TNKS: variants seen among roughly 807,000 people sequenced by gnomAD.
The protein encoded by TNKS is tankyrase.
TNKS carries 72 observed loss-of-function variants against 135.8 expected under a neutral mutation model. That is an observed-to-expected ratio of 0.53 (90% CI 0.44 to 0.64). The LOEUF (loss-of-function observed/expected upper bound fraction) is 0.64. TNKS is among the 30% of genes least tolerant of loss of function. TNKS has a pLI of 0.00. For synonymous variants in TNKS, 849 were observed against 649.3 expected, an observed-to-expected ratio of 1.31 and a Z score of -4.68; for missense variants, 1,769 against 1,674.0, an observed-to-expected ratio of 1.06 and a Z score of -0.99.
intron 5 of TNKS, among the ~76,000 whole-genome samples, chr8:9,689,476 G>A (rs1457676553): frequency 6.6e-6 from 1 of 151,138 alleles, no homozygotes; most frequent in Non-Finnish European, 1.5e-5. Flanking sequence ...AATATAAAAT[G>A]TTTTATATTT....
At chr8:9,561,999 T>C (rs1270359671) in intron 1 of TNKS, among the ~76,000 whole-genome samples, 1 of 152,124 alleles carries the variant, frequency 6.6e-6, no homozygotes, top group Non-Finnish European at 1.5e-5. Flanking sequence ...GTATTTTTAG[T>C]AGAGACGGGG....
intron 3 of TNKS, among the ~76,000 whole-genome samples, chr8:9,679,380 A>G (rs1198770314): frequency 6.6e-6 from 1 of 152,110 alleles, no homozygotes; most frequent in Non-Finnish European, 1.5e-5. Context: ...TAGTTCACGT[A>G]TTTCTAGTCT....
chr8:9,632,701 CT>C (rs1800339714), intron 3 of TNKS, among the ~76,000 whole-genome samples: 1 of 152,146 alleles, frequency 6.6e-6, no homozygotes, highest in Non-Finnish European at 1.5e-5. Flanking sequence ...ACTTCTTTTA[CT>C]TTTGGTTTAA....
Position 9,561,506 on chromosome 8 carries a change from G to T in TNKS, c.673+4894G>T, listed in dbSNP as rs185038990. On this transcript the variant is annotated intron_variant, in intron 1 of 26. Coordinates refer to ENST00000310430, the MANE Select transcript of TNKS (RefSeq NM_003747.3). ...CTTTCTGTAAGACTTATTTTGCTCA[G>T]CATGTTTTTGATTTTGTAACGTGTA... Among the ~76,000 whole-genome samples, 279 of 152,230 alleles carry T rather than the reference G, an allele frequency of 1.8e-3. 1 individual carries two copies. The highest frequency in any genetic ancestry group is 1.4e-3 in the Non-Finnish European group (95 of 68,006).
At chr8:9,588,572 G>A (rs866496037) in intron 2 of TNKS, among the ~76,000 whole-genome samples, 2 of 152,160 alleles carry the variant, frequency 1.3e-5, no homozygotes, top group East Asian at 1.9e-4. Flanking sequence ...TGCCGCGCCC[G>A]GCCCCAAATT....
In TNKS at chr8:9,556,248, C is replaced by T. The variant is rs145737152; in HGVS notation, c.309C>T (p.Pro103=). The change falls in exon 1 of 27, where the codon CCC becomes CCT. Residue 103 remains proline, a synonymous_variant. Coordinates refer to ENST00000310430, the MANE Select transcript of TNKS (RefSeq NM_003747.3). ...TSTICTVAAA[P]VVPAVSTSSA... Reference sequence around the variant, plus strand: ...CAATCTGTACCGTCGCCGCCGCTCCCGTGGTCCCAGCGGTTTCTACTTCAT... The same window carrying T: ...CAATCTGTACCGTCGCCGCCGCTCCTGTGGTCCCAGCGGTTTCTACTTCAT... 1.2e-6 allele frequency: 2 copies of T among 1,614,258 alleles called. No individual in the cohort carries two copies. Among genetic ancestry groups the T allele is most frequent in the Non-Finnish European group, 1.7e-6 (2 of 1,180,038 alleles).
chr8:9,691,582 A>C (rs1348828323), intron 5 of TNKS, among the ~76,000 whole-genome samples: 1 of 151,910 alleles, frequency 6.6e-6, no homozygotes, highest in Non-Finnish European at 1.5e-5. Flanking sequence ...TTGACTCCTG[A>C]CTCTGCTTTT....
At chr8:9,642,344 C>T (rs1476784102) in intron 3 of TNKS, among the ~76,000 whole-genome samples, 3 of 146,440 alleles carry the variant, frequency 2.0e-5, no homozygotes, top group African/African-American at 5.0e-5. Flanking sequence ...ATTGTATTCT[C>T]TTAAATATAT....
chr8:9,759,619 T>C (rs2128832575), intron 20 of TNKS, among the ~76,000 whole-genome samples: 1 of 152,288 alleles, frequency 6.6e-6, no homozygotes, highest in Middle Eastern at 3.4e-3. Context: ...GTAGAGAATA[T>C]TGTGTTTTGC....
At chr8:9,704,421 A>G (rs990418324) in intron 5 of TNKS, among the ~76,000 whole-genome samples, 2 of 152,164 alleles carry the variant, frequency 1.3e-5, no homozygotes, top group Non-Finnish European at 2.9e-5. Flanking sequence ...TAGGTAGGGT[A>G]AGGTTTGATT....
chr8:9,708,797 G>T (rs1804179802), intron 9 of TNKS, among the ~76,000 whole-genome samples: 1 of 151,816 alleles, frequency 6.6e-6, no homozygotes, highest in South Asian at 2.1e-4. Context: ...TTTTTCAATA[G>T]AATTTTTTTT....
intron 3 of TNKS, among the ~76,000 whole-genome samples, chr8:9,622,303 T>C (rs1166879784): frequency 4.2e-4 from 64 of 152,358 alleles, no homozygotes; most frequent in Non-Finnish European, 5.9e-5. Context: ...TCATACTGAA[T>C]GTTTAGATTC....
chr8:9,727,891 T>G (rs1239504687), intron 13 of TNKS, among the ~76,000 whole-genome samples: 1 of 152,234 alleles, frequency 6.6e-6, no homozygotes, highest in East Asian at 1.9e-4. Flanking sequence ...TAGGGAGAAA[T>G]TTTTATGTTG....
intron 2 of TNKS, among the ~76,000 whole-genome samples, chr8:9,586,166 T>G (rs1798372503): frequency 6.6e-6 from 1 of 152,216 alleles, no homozygotes; most frequent in Non-Finnish European, 1.5e-5. Context: ...TACATTATAT[T>G]GTTCCAGATA....
chr8:9,746,355 A>G (rs780018984), intron 17 of TNKS, among the ~76,000 whole-genome samples: 1 of 152,154 alleles, frequency 6.6e-6, no homozygotes, highest in Non-Finnish European at 1.5e-5. Context: ...GTCTTAGCTT[A>G]TTTTATAAGG....
At chr8:9,578,065 A>G (rs1182419094) in intron 1 of TNKS, among the ~76,000 whole-genome samples, 1 of 152,214 alleles carries the variant, frequency 6.6e-6, no homozygotes, top group Non-Finnish European at 1.5e-5. Context: ...TCCACGGCTC[A>G]CATCCAGGCC....
intron 1 of TNKS, chr8:9,557,858 C>T (rs976600975): frequency 1.3e-5 from 2 of 152,066 alleles, no homozygotes; most frequent in Admixed American, 1.3e-4. Flanking sequence ...TTAAATAAGT[C>T]CAAATTCAGT....
intron 1 of TNKS, among the ~76,000 whole-genome samples, chr8:9,579,661 G>GTA (rs1260133639): frequency 6.6e-6 from 1 of 152,082 alleles, no homozygotes; most frequent in East Asian, 1.9e-4. Flanking sequence ...TAGAGACGGG[G>GTA]TATCACCATG....
chr8:9,761,477 T>G (rs762483875), intron 20 of TNKS, 39 bp from the exon 21 acceptor site: 2 of 1,608,442 alleles, frequency 1.2e-6, no homozygotes, highest in Non-Finnish European at 1.7e-6. Context: ...TCTTAAGAAC[T>G]GTTAAAGATA....
Sources: allele counts gnomAD v4.1 joint callset (sites outside exome capture counted in the v4.1 genomes callset), GRCh38; gene constraint gnomAD v4.1.1; transcripts MANE v1.5; gene names NCBI Gene and HGNC (gene_info 2026-07-23, HGNC 2026-07-21).